The following TRAPPC9 variants were observed in gnomAD, a reference collection of about 807,000 sequenced individuals.
TRAPPC9 encodes the protein IKK2 binding protein.
TRAPPC9 carries 83 observed loss-of-function variants against 124.0 expected under a neutral mutation model. The ratio of observed to expected loss-of-function variants is 0.67; its 90% CI spans 0.56 to 0.80. TRAPPC9 has a LOEUF of 0.80. Among genes scored for constraint, TRAPPC9 ranks in the 30% least tolerant of loss-of-function variants. The probability of loss-of-function intolerance (pLI) is 0.00; values close to 1 mark genes in which losing one functional copy is unlikely to be tolerated. For missense variants in TRAPPC9, 1,302 were observed against 1,508.3 expected, an observed-to-expected ratio of 0.86 and a Z score of 2.27; for synonymous variants, 638 against 617.5, an observed-to-expected ratio of 1.03 and a Z score of -0.49.
intron 19 of TRAPPC9, among the ~76,000 whole-genome samples, chr8:139,968,155 A>AC: frequency 6.6e-6 from 1 of 151,876 alleles, no homozygotes; most frequent in South Asian, 2.1e-4. Context: ...TCTCAAAAAA[A>AC]AAACCAAAAA....
intron 17 of TRAPPC9, among the ~76,000 whole-genome samples, chr8:140,123,625 C>T (rs969139070): frequency 1.1e-4 from 17 of 152,214 alleles, no homozygotes; most frequent in African/African-American, 3.9e-4. Flanking sequence ...TTCCATCATG[C>T]CCCATGTACT....
intron 7 of TRAPPC9, among the ~76,000 whole-genome samples, chr8:140,389,237 G>A (rs537610251): frequency 9.9e-5 from 15 of 152,256 alleles, no homozygotes; most frequent in African/African-American, 2.2e-4. Flanking sequence ...GACTACAGGC[G>A]TGAGCCACCG....
At chr8:140,077,545 G>A (rs1182159020) in intron 17 of TRAPPC9, among the ~76,000 whole-genome samples, 1 of 151,990 alleles carries the variant, frequency 6.6e-6, no homozygotes, top group Non-Finnish European at 1.5e-5. Context: ...GCCCAGAGAA[G>A]GTGCCTTCCG....
At chr8:140,004,691 C>T (rs995407496) in intron 18 of TRAPPC9, among the ~76,000 whole-genome samples, 2 of 152,108 alleles carry the variant, frequency 1.3e-5, no homozygotes, top group Non-Finnish European at 2.9e-5. Flanking sequence ...GCCAATGACT[C>T]AATATCGACT....
intron 10 of TRAPPC9, among the ~76,000 whole-genome samples, chr8:140,309,564 T>C (rs2066234265): frequency 6.6e-6 from 1 of 152,260 alleles, no homozygotes; most frequent in Non-Finnish European, 1.5e-5. Context: ...CAGAATGTTC[T>C]GTAAGCTTCA....
chr8:140,326,973 C>T (rs113634142), intron 9 of TRAPPC9, among the ~76,000 whole-genome samples: 2,430 of 152,188 alleles, frequency 0.016, 69 homozygotes, highest in African/African-American at 0.056. Context: ...TCATCCAGGC[C>T]GGGCGCGGTG....
chr8:140,335,786 A>G (rs1032166564), intron 9 of TRAPPC9, among the ~76,000 whole-genome samples: 4 of 148,238 alleles, frequency 2.7e-5, no homozygotes, highest in Non-Finnish European at 4.4e-5. Context: ...AGCTCACCAA[A>G]ACCTCCACCT....
At chr8:139,880,438 T>A (rs1389791261) in intron 21 of TRAPPC9, among the ~76,000 whole-genome samples, 1 of 152,212 alleles carries the variant, frequency 6.6e-6, no homozygotes. Flanking sequence ...TCAGCTCCCA[T>A]GCCCTATGAC....
intron 13 of TRAPPC9, among the ~76,000 whole-genome samples, chr8:140,287,091 G>C (rs1324217012): frequency 1.3e-5 from 2 of 152,170 alleles, no homozygotes; most frequent in Non-Finnish European, 2.9e-5. Flanking sequence ...GCAGCCAGAG[G>C]AGAGGGCATG....
chr8:139,808,325 G>A (rs1172964991), intron 21 of TRAPPC9, among the ~76,000 whole-genome samples: 2 of 152,172 alleles, frequency 1.3e-5, no homozygotes, highest in African/African-American at 4.8e-5. Context: ...GCCGGGCGTG[G>A]TGGTGCACAC....
intron 19 of TRAPPC9, among the ~76,000 whole-genome samples, chr8:139,946,747 G>A (rs934381376): frequency 3.3e-5 from 5 of 151,804 alleles, no homozygotes; most frequent in African/African-American, 4.8e-5. Context: ...TTGGGAGGCC[G>A]AGGCGGGTGG....
chr8:140,348,249 C>A (rs2067410319), intron 9 of TRAPPC9, among the ~76,000 whole-genome samples: 1 of 152,184 alleles, frequency 6.6e-6, no homozygotes, highest in Non-Finnish European at 1.5e-5. Context: ...CCCATCAAAT[C>A]CCAACTAAGT....
At chr8:140,255,892 A>T (rs752778927) in intron 15 of TRAPPC9, among the ~76,000 whole-genome samples, 25 of 152,206 alleles carry the variant, frequency 1.6e-4, no homozygotes, top group Non-Finnish European at 2.6e-4. Context: ...TCCCCAAAAC[A>T]GAAGAAGCTG....
intron 17 of TRAPPC9, among the ~76,000 whole-genome samples, chr8:140,048,490 G>A (rs1003452037): frequency 2.0e-4 from 31 of 152,070 alleles, no homozygotes; most frequent in Middle Eastern, 3.2e-3. Context: ...TCATGAGAGC[G>A]AGTTTAGGCT....
intron 17 of TRAPPC9, among the ~76,000 whole-genome samples, chr8:140,094,514 C>G (rs1423801090): frequency 1.3e-5 from 2 of 152,152 alleles, no homozygotes; most frequent in African/African-American, 4.8e-5. Context: ...TGCCTTTGGC[C>G]ACCCTGTTAG....
At chr8:140,284,748 G>T (rs2065435863) in intron 13 of TRAPPC9, among the ~76,000 whole-genome samples, 1 of 152,112 alleles carries the variant, frequency 6.6e-6, no homozygotes, top group African/African-American at 2.4e-5. Context: ...ATACTAAAAG[G>T]AGAGGCAGGC....
intron 21 of TRAPPC9, among the ~76,000 whole-genome samples, chr8:139,764,854 C>A: frequency 6.6e-6 from 1 of 152,176 alleles, no homozygotes; most frequent in East Asian, 1.9e-4. Flanking sequence ...AAGAAGCATA[C>A]AAGGAGTGAA....
intron 17 of TRAPPC9, among the ~76,000 whole-genome samples, chr8:140,029,339 T>C (rs1229658394): frequency 6.6e-6 from 1 of 152,202 alleles, no homozygotes; most frequent in Non-Finnish European, 1.5e-5. Flanking sequence ...AGCCCAACTC[T>C]ACTAAAAGTA....
chr8:139,987,882 C>T (rs550874209), intron 19 of TRAPPC9, among the ~76,000 whole-genome samples: 11 of 152,228 alleles, frequency 7.2e-5, no homozygotes, highest in African/African-American at 1.7e-4. Flanking sequence ...CTCTCACTTC[C>T]GCATCAGCTC....
Sources: gnomAD v4.1 joint callset for allele counts (sites outside exome capture counted in the v4.1 genomes callset) on GRCh38, gnomAD v4.1.1 for gene constraint, MANE v1.5 for transcripts, NCBI Gene and HGNC (gene_info 2026-07-23, HGNC 2026-07-21) for gene names.